Variants in AZI2 observed in about 807,000 individuals in gnomAD.
AZI2 encodes 5-azacytidine-induced protein 2.
AZI2 carries 22 observed loss-of-function variants against 45.8 expected under a neutral mutation model. The observed-to-expected ratio is 0.48, with a 90% confidence interval of 0.34 to 0.69. AZI2 has a LOEUF of 0.69. AZI2 is among the 30% of genes least tolerant of loss of function. The pLI is 0.01. For synonymous variants in AZI2, 137 were observed against 156.7 expected (o/e 0.87, Z 0.94); for missense variants, 417 against 441.5 (o/e 0.94, Z 0.50).
chr3:28,332,017 A>G (rs1703598720), intron 6 of AZI2: 6 of 978,570 alleles, frequency 6.1e-6, no homozygotes, highest in Non-Finnish European at 7.8e-6. Context: ...ACAATGGCCA[A>G]GTAGGCTCTT....
intron 6 of AZI2, chr3:28,331,784 G>A (rs1345360210): frequency 1.3e-6 from 2 of 1,518,522 alleles, no homozygotes; most frequent in African/African-American, 1.4e-5. Flanking sequence ...TTAAAACACA[G>A]AATTGAAGTT....
chr3:28,347,098 T>C (rs1183959267), intron 1 of AZI2, among the ~76,000 whole-genome samples: 4 of 152,178 alleles, frequency 2.6e-5, no homozygotes, highest in African/African-American at 4.8e-5. Flanking sequence ...GCATCTACTA[T>C]ACATTCAATG....
chr3:28,326,864 C>T lies in AZI2; in HGVS notation c.734G>A (p.Arg245Lys), dbSNP rs1489409836. 1 of 1,608,500 alleles carries T rather than the reference C, an allele frequency of 6.2e-7. No homozygotes were observed. Among genetic ancestry groups the T allele is most frequent in the East Asian group, 2.2e-5 (1 of 44,732 alleles). ...GATTGCAGTTGAGGTTTTCAGTTTTCTTAGTAGTTCAGCTTGTACTTGAGT... is the reference window on the plus strand; with the variant it reads ...GATTGCAGTTGAGGTTTTCAGTTTTTTTAGTAGTTCAGCTTGTACTTGAGT... ...LVTQVQAELL[R>K]KLKTSTAIKK... is the part of the protein sequence containing the mutation. Residue 245 changes from arginine (R) to lysine (K), a missense_variant, in exon 7 of 8, where the codon AGA becomes AAA. Coordinates refer to ENST00000479665, the MANE Select transcript of AZI2 (RefSeq NM_022461.5).
At position 28,323,621 on chromosome 3, in the gene AZI2, T is replaced by C. The variant is rs1703263592; in HGVS notation, c.*421A>G. On this transcript the variant is annotated 3_prime_UTR_variant, in exon 8 of 8. Transcript: ENST00000479665. ...ACAACAGAAATGTAACCTACTCACA[T>C]TGCCATTTGTTCCATTATGCAATTT... is the stretch of plus-strand genomic sequence containing the variant. 6.5e-6 allele frequency: 1 copy of C among 154,166 alleles called. No individual in the cohort carries two copies. The highest frequency in any genetic ancestry group is 1.4e-5 in the Non-Finnish European group (1 of 69,172). 9.5% of individuals were successfully genotyped at this position (154,166 alleles called of 1,614,324 possible).
chr3:28,331,718 G>A (rs1396969649), intron 6 of AZI2: 5 of 1,363,882 alleles, frequency 3.7e-6, no homozygotes, highest in Non-Finnish European at 4.8e-6. Context: ...TTGGATGGAG[G>A]GTAACAATGT....
Position 28,323,482 on chromosome 3 carries a change from CTG to C in AZI2, c.*558_*559del, listed in dbSNP as rs1466996271. 1 of 150,836 alleles carries C rather than the reference CTG, an allele frequency of 6.6e-6. No individual in the cohort carries two copies. The highest frequency in any genetic ancestry group is 1.5e-5 in the Non-Finnish European group (1 of 67,142). 9.3% of individuals were successfully genotyped at this position (150,836 alleles called of 1,614,324 possible). Reference sequence around the variant, plus strand: ...CTAAAAAAATTTTATCAACAAAACACTGTGACCAAAAAATCACTTTAAATCTT... The same window carrying C: ...CTAAAAAAATTTTATCAACAAAACACTGACCAAAAAATCACTTTAAATCTT... On this transcript the variant is annotated 3_prime_UTR_variant, in exon 8 of 8. Transcript: ENST00000479665.
At chr3:28,327,132 T>C (rs1703418237) in intron 6 of AZI2, 182 bp from the exon 7 acceptor site, 4 of 538,958 alleles carry the variant, frequency 7.4e-6, no homozygotes, top group Middle Eastern at 5.2e-4. Context: ...CTTGAAAGAA[T>C]AACACTGTCC....
intron 6 of AZI2, chr3:28,331,779 A>T: frequency 6.6e-7 from 1 of 1,512,272 alleles, no homozygotes; most frequent in Non-Finnish European, 8.9e-7. Flanking sequence ...ATAGCTTAAA[A>T]CACAGAATTG....
At chr3:28,348,195 T>C (rs1704340554) in intron 1 of AZI2, 1 of 152,156 alleles carries the variant, frequency 6.6e-6, no homozygotes. Context: ...GGGGTCGATA[T>C]TCACCACTCA....
chr3:28,331,358 C>T (rs938204250), intron 6 of AZI2, among the ~76,000 whole-genome samples: 1 of 151,406 alleles, frequency 6.6e-6, no homozygotes, highest in African/African-American at 2.4e-5. Flanking sequence ...CTATACTAGA[C>T]ACATTTTTCA....
intron 3 of AZI2, 51 bp downstream of exon 3, chr3:28,338,442 G>C (rs1457119129): frequency 5.4e-6 from 8 of 1,485,188 alleles, no homozygotes; most frequent in Non-Finnish European, 7.3e-6. Context: ...CCTCTTGAAG[G>C]AGAAAATTCA....
chr3:28,329,091 T>G (rs1018146763), intron 6 of AZI2, among the ~76,000 whole-genome samples: 20 of 151,310 alleles, frequency 1.3e-4, no homozygotes, highest in African/African-American at 4.8e-4. Context: ...TATAAAGAAC[T>G]TATACAACTA....
intron 1 of AZI2, among the ~76,000 whole-genome samples, chr3:28,344,873 G>C (rs1385394480): frequency 6.6e-6 from 1 of 152,086 alleles, no homozygotes; most frequent in Non-Finnish European, 1.5e-5. Context: ...AAATAGTCTA[G>C]CAGAAACTGA....
intron 5 of AZI2, among the ~76,000 whole-genome samples, chr3:28,334,493 T>C (rs904037261): frequency 6.6e-6 from 1 of 151,926 alleles, no homozygotes; most frequent in Non-Finnish European, 1.5e-5. Flanking sequence ...CCTTTTTAAC[T>C]TCACAGCCTC....
intron 1 of AZI2, among the ~76,000 whole-genome samples, 200 bp from the exon 2 acceptor site, chr3:28,340,822 A>G (rs942768379): frequency 4.6e-5 from 7 of 152,072 alleles, no homozygotes; most frequent in Non-Finnish European, 1.0e-4. Context: ...CCTTATTTAT[A>G]AAGTACAAGA....
Position 28,323,112 on chromosome 3 carries a change from A to AAAT in AZI2, c.*927_*929dup, listed in dbSNP as rs536792424. The AAAT allele has an allele frequency of 9.3e-4, 141 of 151,308 alleles. 1 individual carries two copies. The highest frequency in any genetic ancestry group is 3.2e-3 in the African/African-American group (134 of 41,440). 9.4% of individuals were successfully genotyped at this position (151,308 alleles called of 1,614,324 possible). The stretch of plus-strand genomic sequence containing the variant: ...AATAATTTTAAATCACTTTCTCAAT[A>AAAT]AATAGAATATTACATTTCAACACAA... On this transcript the variant is annotated 3_prime_UTR_variant, in exon 8 of 8. Transcript: ENST00000479665.
chr3:28,330,524 A>G (rs1262324254), intron 6 of AZI2, among the ~76,000 whole-genome samples: 1 of 151,336 alleles, frequency 6.6e-6, no homozygotes, highest in Non-Finnish European at 1.5e-5. Flanking sequence ...AAAGATTAAC[A>G]AAACACAAGA....
intron 1 of AZI2, chr3:28,348,107 G>C (rs536162585): frequency 2.0e-5 from 3 of 152,204 alleles, no homozygotes; most frequent in African/African-American, 4.8e-5. Flanking sequence ...ACAAACAGCC[G>C]AAGGCTGGAA....
chr3:28,337,405 C>A (rs1036419898), intron 4 of AZI2, among the ~76,000 whole-genome samples: 3 of 152,120 alleles, frequency 2.0e-5, no homozygotes, highest in Non-Finnish European at 4.4e-5. Flanking sequence ...GCATCTCAAT[C>A]TCCTATCAGA....
Sources: allele counts gnomAD v4.1 joint callset (sites outside exome capture counted in the v4.1 genomes callset), GRCh38; gene constraint gnomAD v4.1.1; transcripts MANE v1.5; gene names NCBI Gene and HGNC (gene_info 2026-07-23, HGNC 2026-07-21).